The following HMCES variants were observed in gnomAD, a reference collection of about 807,000 sequenced individuals.
The protein encoded by HMCES is 5-hydroxymethylcytosine binding, ES cell specific, also known as abasic site processing protein HMCES.
A neutral mutation model predicts 35.1 loss-of-function variants in HMCES; 27 were observed. The ratio of observed to expected loss-of-function variants is 0.77; its 90% CI spans 0.57 to 1.06. HMCES has a LOEUF of 1.06. Among genes scored for constraint, HMCES ranks in the 50% least tolerant of loss-of-function variants. HMCES has a pLI of 0.00. For missense variants in HMCES, 391 were observed against 430.4 expected, an observed-to-expected ratio of 0.91 and a Z score of 0.81; for synonymous variants, 130 against 154.7, an observed-to-expected ratio of 0.84 and a Z score of 1.18.
chr3:129,284,362 G>A (rs1940578082), intron 2 of HMCES, among the ~76,000 whole-genome samples: 1 of 152,228 alleles, frequency 6.6e-6, no homozygotes, highest in South Asian at 2.1e-4. Context: ...AGTCAGGCAT[G>A]AGTTATAGTG....
chr3:129,289,853 C>A (rs1940749326), intron 3 of HMCES, among the ~76,000 whole-genome samples: 1 of 152,108 alleles, frequency 6.6e-6, no homozygotes, highest in Non-Finnish European at 1.5e-5. Context: ...ATTATTTAAT[C>A]TTTTCAACAT....
chr3:129,293,861 G>T (rs963698857), intron 4 of HMCES, among the ~76,000 whole-genome samples: 1 of 152,004 alleles, frequency 6.6e-6, no homozygotes, highest in Non-Finnish European at 1.5e-5. Context: ...GAGCTACTGC[G>T]CCTGGACTTG....
intron 5 of HMCES, among the ~76,000 whole-genome samples, chr3:129,300,943 A>G (rs2071155690): frequency 6.6e-6 from 1 of 151,948 alleles, no homozygotes; most frequent in African/African-American, 2.4e-5. Flanking sequence ...AGGCAGGAGA[A>G]TGGCGTGAAC....
At position 129,305,938 on chromosome 3, in the gene HMCES, C is replaced by G. The variant is rs2071228909; in HGVS notation, c.*1113C>G. 6.6e-6 allele frequency: 1 copy of G among 152,458 alleles called. No homozygotes were observed. The highest frequency in any genetic ancestry group is 2.4e-5 in the African/African-American group (1 of 41,594). The allele number at this position is 152,458 out of a possible 1,614,324, so 9.4% of individuals were successfully genotyped here. A position where few individuals can be genotyped will look rare whatever the true frequency, so the allele number is the denominator to read the frequency against. ...GTGGGGCTCCCGCCCAGACCCTTTC[C>G]CGAGGTCCGCCCTCTCCGCCTTTTC... is the stretch of plus-strand genomic sequence containing the variant. On this transcript the variant is annotated 3_prime_UTR_variant, in exon 7 of 7. Transcript: ENST00000383463.
In HMCES at chr3:129,298,628, C is replaced by A. The variant is rs1278651700; in HGVS notation, c.635+93C>A. ...AGCTTTAGAGAGTAGGAAACCAAGT[C>A]ATTTTACAACGTAAAGTTACAATCA... On this transcript the variant is annotated intron_variant, in intron 5 of 6. Transcript: ENST00000383463. The A allele has an allele frequency of 4.2e-5, 43 of 1,029,132 alleles. No homozygotes were observed. In the East Asian group the frequency reaches 1.0e-3, roughly 24 times the overall value. The allele number at this position is 1,029,132 out of a possible 1,614,324, so 63.8% of individuals were successfully genotyped here. A position where few individuals can be genotyped will look rare whatever the true frequency, so the allele number is the denominator to read the frequency against.
At chr3:129,280,845 G>A (rs962968465) in intron 2 of HMCES, among the ~76,000 whole-genome samples, 1 of 152,172 alleles carries the variant, frequency 6.6e-6, no homozygotes, top group Admixed American at 6.5e-5. Flanking sequence ...CTTTGTATGT[G>A]TGTGTAATAA....
chr3:129,299,880 C>T (rs928950077), intron 5 of HMCES, among the ~76,000 whole-genome samples: 6 of 151,806 alleles, frequency 4.0e-5, no homozygotes, highest in Admixed American at 2.6e-4. Flanking sequence ...CCACCTGCCT[C>T]GGCCTCCCAA....
intron 4 of HMCES, among the ~76,000 whole-genome samples, chr3:129,293,559 TTC>T (rs1309301520): frequency 7.2e-6 from 1 of 139,666 alleles, no homozygotes; most frequent in Non-Finnish European, 1.5e-5. Context: ...TATACATTAA[TTC>T]TTTTTTTTTT....
intron 5 of HMCES, among the ~76,000 whole-genome samples, chr3:129,299,434 A>G (rs1409719434): frequency 6.6e-6 from 1 of 152,074 alleles, no homozygotes; most frequent in South Asian, 2.1e-4. Flanking sequence ...TTCTCCTCCA[A>G]TTAACTTCTG....
chr3:129,285,210 A>G (rs1033048897), intron 2 of HMCES, among the ~76,000 whole-genome samples: 2 of 152,154 alleles, frequency 1.3e-5, no homozygotes, highest in Non-Finnish European at 2.9e-5. Context: ...AAGAAACTTT[A>G]CCTTCATGGC....
intron 2 of HMCES, among the ~76,000 whole-genome samples, chr3:129,282,575 A>G (rs1301207950): frequency 6.6e-6 from 1 of 152,200 alleles, no homozygotes; most frequent in Admixed American, 6.5e-5. Flanking sequence ...CTGATATAGT[A>G]TTTGATTTCA....
intron 2 of HMCES, among the ~76,000 whole-genome samples, chr3:129,283,153 C>T (rs1168903208): frequency 1.3e-5 from 2 of 152,144 alleles, no homozygotes; most frequent in African/African-American, 2.4e-5. Flanking sequence ...TCTCCAGATA[C>T]TGCCAGAAGT....
At position 129,285,307 on chromosome 3, in the gene HMCES, AC is replaced by A. The variant is rs1379788634; in HGVS notation, c.184-3546del. On this transcript the variant is annotated intron_variant, in intron 2 of 6. Coordinates refer to ENST00000383463, the MANE Select transcript of HMCES (RefSeq NM_020187.3). ...ATACTATACTACAATTTGAGTGCCT[AC>A]TCCATGCCACACATTTTAACTATAT... Among the ~76,000 whole-genome samples, 4 of 152,162 alleles carry A rather than the reference AC, an allele frequency of 2.6e-5. No homozygotes were observed. In the East Asian group the frequency reaches 7.7e-4, roughly 29 times the overall value.
intron 4 of HMCES, among the ~76,000 whole-genome samples, chr3:129,291,738 A>G (rs1391342569): frequency 6.6e-6 from 1 of 152,166 alleles, no homozygotes; most frequent in Non-Finnish European, 1.5e-5. Flanking sequence ...TGGAATTGCT[A>G]GGTCATATTA....
At chr3:129,291,152 T>A (rs990868552) in intron 4 of HMCES, among the ~76,000 whole-genome samples, 3 of 152,046 alleles carry the variant, frequency 2.0e-5, no homozygotes, top group Admixed American at 6.6e-5. Context: ...CAATGAGCTA[T>A]GATCACACCA....
chr3:129,297,119 T>C (rs1197269088), intron 4 of HMCES, among the ~76,000 whole-genome samples: 1 of 151,958 alleles, frequency 6.6e-6, no homozygotes, highest in Non-Finnish European at 1.5e-5. Flanking sequence ...TTCCAGAGGG[T>C]TTCTCAGCAG....
rs781660796 is a variant in HMCES at position 129,279,720 on chromosome 3, G to A, written c.-13G>A. 1.2e-6 allele frequency: 2 copies of A among 1,612,182 alleles called. No homozygotes were observed. The highest frequency in any genetic ancestry group is 1.7e-5 in the Admixed American group (1 of 59,488). ...TTTTGTAATTTAAAGGTTGCGAGGG[G>A]CGGTGTTGAAGAATGTGTGGGCGAA... On this transcript the variant is annotated 5_prime_UTR_variant, in exon 2 of 7. Transcript: ENST00000383463. The surrounding 1 kb of genome is among the most constrained non-coding windows in gnomAD (Gnocchi z 4.2).
At chr3:129,281,111 ACTTGGGAG>A (rs1940468829) in intron 2 of HMCES, among the ~76,000 whole-genome samples, 1 of 152,020 alleles carries the variant, frequency 6.6e-6, no homozygotes, top group Non-Finnish European at 1.5e-5. Flanking sequence ...AGTCCCAGTT[ACTTGGGAG>A]GCTGAGGCAG....
chr3:129,288,011 C>G (rs555565868), intron 2 of HMCES, among the ~76,000 whole-genome samples: 23 of 152,138 alleles, frequency 1.5e-4, no homozygotes, highest in African/African-American at 5.5e-4. Context: ...GAGCCAAGAT[C>G]GTGCCACTGC....
Sources: gnomAD v4.1 joint callset for allele counts (sites outside exome capture counted in the v4.1 genomes callset) on GRCh38, gnomAD v4.1.1 for gene constraint, Gnocchi (gnomAD v3.1) non-coding constraint, MANE v1.5 for transcripts, NCBI Gene and HGNC (gene_info 2026-07-23, HGNC 2026-07-21) for gene names.